The following CLDN10 variants were observed in gnomAD, a reference collection of about 807,000 sequenced individuals.
CLDN10 encodes claudin 10.
A neutral mutation model predicts 22.9 loss-of-function variants in CLDN10; 15 were observed. The ratio of observed to expected loss-of-function variants is 0.65; its 90% CI spans 0.44 to 1.01. CLDN10 has a LOEUF of 1.01. CLDN10 is among the 50% of genes least tolerant of loss of function. The probability of loss-of-function intolerance (pLI) is 0.00; values close to 1 mark genes in which losing one functional copy is unlikely to be tolerated. For missense variants in CLDN10, 247 were observed against 287.8 expected (o/e 0.86, Z 1.03); for synonymous variants, 114 against 111.4 (o/e 1.02, Z -0.15).
chr13:95,577,916 G>A lies in CLDN10; in HGVS notation c.589G>A (p.Ala197Thr). The A allele has an allele frequency of 1.9e-6, 3 of 1,612,758 alleles. No individual in the cohort carries two copies. Among genetic ancestry groups the A allele is most frequent in the Non-Finnish European group, 2.5e-6 (3 of 1,178,926 alleles). The change falls in exon 5 of 5, where the codon GCC becomes ACC. Residue 197 changes from alanine to threonine, a missense_variant. Ala to Thr is a moderately conservative substitution (Grantham distance 58). Coordinates refer to ENST00000299339, the MANE Select transcript of CLDN10 (RefSeq NM_006984.5). ...NKTPRYTYNG[A>T]TSVMSSRTKY... ...ACCTTTCAGATACACATACAACGGG[G>A]CCACATCTGTCATGTCTTCTCGGAC...
intron 1 of CLDN10, among the ~76,000 whole-genome samples, chr13:95,482,048 C>T (rs922910825): frequency 6.6e-6 from 1 of 152,100 alleles, no homozygotes; most frequent in Non-Finnish European, 1.5e-5. Flanking sequence ...CATAACGTAA[C>T]TTAATTGTAC....
At chr13:95,447,955 C>T (rs2042396609) in intron 1 of CLDN10, among the ~76,000 whole-genome samples, 1 of 152,168 alleles carries the variant, frequency 6.6e-6, no homozygotes, top group South Asian at 2.1e-4. Context: ...TATGCCGCCT[C>T]TCCCTTGCCA....
At position 95,578,095 on chromosome 13, in the gene CLDN10, T is replaced by C. The variant is rs932580441; in HGVS notation, c.*81T>C. 18 of 693,322 alleles carry C rather than the reference T, an allele frequency of 2.6e-5. No individual in the cohort carries two copies. In the African/African-American group the frequency reaches 3.1e-4, roughly 12 times the overall value. The allele number at this position is 693,322 out of a possible 1,614,324, so 42.9% of individuals were successfully genotyped here. ...AAATGATCCCATCAAGGCCCTCCCA[T>C]AATTAACACTCAAAACTATTTTTAA... On this transcript the variant is annotated 3_prime_UTR_variant, in exon 5 of 5. Transcript: ENST00000299339.
chr13:95,446,611 G>GC (rs770480986), intron 1 of CLDN10, among the ~76,000 whole-genome samples: 133 of 152,362 alleles, frequency 8.7e-4, no homozygotes, highest in Admixed American at 2.5e-3. Context: ...GGAGGCCAAG[G>GC]CGGGAGGATC....
chr13:95,549,564 C>T (rs1234194601), upstream of CLDN10, among the ~76,000 whole-genome samples: 2 of 152,134 alleles, frequency 1.3e-5, no homozygotes, highest in Non-Finnish European at 2.9e-5. Context: ...AGATATAAGA[C>T]ATTCTAAAAT....
chr13:95,467,254 A>T (rs1015034845), intron 1 of CLDN10, among the ~76,000 whole-genome samples: 1 of 152,142 alleles, frequency 6.6e-6, no homozygotes, highest in Non-Finnish European at 1.5e-5. Context: ...AAATTATTTT[A>T]TTCATAAATA....
chr13:95,486,274 G>A (rs565596056), intron 1 of CLDN10, among the ~76,000 whole-genome samples: 9 of 152,290 alleles, frequency 5.9e-5, no homozygotes, highest in East Asian at 1.9e-4. Flanking sequence ...TGCAATAGGC[G>A]CATTTTGGGA....
chr13:95,460,756 G>C (rs12865167), intron 1 of CLDN10, among the ~76,000 whole-genome samples: 50,374 of 151,702 alleles, frequency 0.33, 9,207 homozygotes, highest in Non-Finnish European at 0.41. Flanking sequence ...CCTCCCACCT[G>C]AGCCTCTCTC....
intron 1 of CLDN10, among the ~76,000 whole-genome samples, chr13:95,484,482 A>G (rs1566294538): frequency 6.6e-6 from 1 of 152,140 alleles, no homozygotes; most frequent in South Asian, 2.1e-4. Flanking sequence ...TTTATATGTC[A>G]TTCCCCTGAA....
At position 95,517,795 on chromosome 13, in the gene CLDN10, G is replaced by C. The variant is rs150602668; in HGVS notation, c.215-42337G>C. 1.0e-3 allele frequency among the ~76,000 whole-genome samples: 154 copies of C among 152,058 alleles called. 2 individuals are homozygous for C. The East Asian group carries it at 0.025, about 25-fold the overall frequency. On this transcript the variant is annotated intron_variant, in intron 1 of 4. Transcript: ENST00000376873. ...CTAAAAATGCAAAAATTAGCCAGGC[G>C]TGGTGGCGGGTGCCTGTAATCCCAG...
intron 1 of CLDN10, among the ~76,000 whole-genome samples, chr13:95,478,913 C>T (rs1238214092): frequency 6.6e-6 from 1 of 152,222 alleles, no homozygotes; most frequent in Non-Finnish European, 1.5e-5. Context: ...CAAGCACTGC[C>T]CTGGCACAGG....
At position 95,539,451 on chromosome 13, in the gene CLDN10, A is replaced by G. The variant is rs545869055; in HGVS notation, c.215-20681A>G. On this transcript the variant is annotated intron_variant, in intron 1 of 4. Coordinates refer to the CLDN10 transcript ENST00000376873. The stretch of plus-strand genomic sequence containing the variant: ...ATCATTTTTTAGTTGGTACATGACT[A>G]AGAGGTTTGCTATATTCATTGGAGT... Among the ~76,000 whole-genome samples, 22 of 152,320 alleles carry G rather than the reference A, an allele frequency of 1.4e-4. No individual in the cohort carries two copies. In the East Asian group the frequency reaches 4.0e-3, roughly 28 times the overall value.
intron 1 of CLDN10, among the ~76,000 whole-genome samples, chr13:95,512,026 A>G: frequency 1.0e-5 from 1 of 99,512 alleles, no homozygotes; most frequent in Non-Finnish European, 2.1e-5. Context: ...CAGTCCCCAG[A>G]GTTTTTGATG....
chr13:95,446,113 C>T (rs952330344), intron 1 of CLDN10, among the ~76,000 whole-genome samples: 1 of 152,154 alleles, frequency 6.6e-6, no homozygotes, highest in Non-Finnish European at 1.5e-5. Flanking sequence ...TTTAGGATCA[C>T]TTGGAAGAAG....
In CLDN10 at chr13:95,577,272, C is replaced by T. The variant is rs1460544920; in HGVS notation, c.506C>T (p.Ala169Val). Residue 169 changes from alanine to valine, a missense_variant, in exon 4 of 5, where the codon GCC becomes GTC. By Grantham distance (64) the Ala-to-Val change is moderately conservative (BLOSUM62 0). Coordinates refer to ENST00000299339, the MANE Select transcript of CLDN10 (RefSeq NM_006984.5). Reference sequence around the variant, plus strand: ...GCTCTGTTTATTGGATGGGCAGGAGCCTCACTGTGCATAATTGGTGGTGTC... The same window carrying T: ...GCTCTGTTTATTGGATGGGCAGGAGTCTCACTGTGCATAATTGGTGGTGTC... ...GAALFIGWAG[A>V]SLCIIGGVIF... is the part of the protein sequence containing the mutation. 1 of 1,614,092 alleles carries T rather than the reference C, an allele frequency of 6.2e-7. No homozygotes were observed.
intron 1 of CLDN10, among the ~76,000 whole-genome samples, chr13:95,520,123 C>T (rs2043209883): frequency 6.6e-6 from 1 of 152,130 alleles, no homozygotes; most frequent in African/African-American, 2.4e-5. Context: ...TGATAATAGA[C>T]CCCACCATAT....
At chr13:95,520,929 C>G (rs901496415) in intron 1 of CLDN10, among the ~76,000 whole-genome samples, 3 of 151,626 alleles carry the variant, frequency 2.0e-5, no homozygotes, top group African/African-American at 7.3e-5. Flanking sequence ...CACACCAATG[C>G]ACTCCAGCCT....
At chr13:95,451,451 G>T (rs576445877) in intron 1 of CLDN10, among the ~76,000 whole-genome samples, 1 of 152,114 alleles carries the variant, frequency 6.6e-6, no homozygotes, top group Non-Finnish European at 1.5e-5. Flanking sequence ...TGTTTTTAGA[G>T]ATATGGTCTC....
At chr13:95,541,651 CT>C (rs1272450335) in intron 1 of CLDN10, among the ~76,000 whole-genome samples, 5 of 152,124 alleles carry the variant, frequency 3.3e-5, no homozygotes, top group Non-Finnish European at 7.4e-5. Flanking sequence ...GACACACTCA[CT>C]TTTTTTCCAC....
Sources: allele counts gnomAD v4.1 joint callset (sites outside exome capture counted in the v4.1 genomes callset), GRCh38; gene constraint gnomAD v4.1.1; transcripts MANE v1.5; gene names NCBI Gene and HGNC (gene_info 2026-07-23, HGNC 2026-07-21).